USP1: variants seen among roughly 807,000 people sequenced by gnomAD.
USP1 encodes the protein ubiquitin specific peptidase 1.
Under a neutral mutation model 72.2 loss-of-function variants are expected in USP1, and 18 were observed. That is an observed-to-expected ratio of 0.25 (90% CI 0.17 to 0.37). The LOEUF (loss-of-function observed/expected upper bound fraction) is 0.37, where lower values mean the gene tolerates loss of function less well. Among genes scored for constraint, USP1 ranks in the 10% least tolerant of loss-of-function variants. The pLI, the probability that USP1 is intolerant of heterozygous loss-of-function variation, is 1.00. For missense variants in USP1, 759 were observed against 884.9 expected (o/e 0.86, Z 1.81); for synonymous variants, 354 against 303.7 (o/e 1.17, Z -1.72).
intron 8 of USP1, among the ~76,000 whole-genome samples, chr1:62,449,420 G>A (rs2149208113): frequency 6.6e-6 from 1 of 152,210 alleles, no homozygotes; most frequent in Non-Finnish European, 1.5e-5. Flanking sequence ...CATGTGTAAT[G>A]TCATTGTATG....
chr1:62,442,691 C>T (rs1645142159), intron 4 of USP1, among the ~76,000 whole-genome samples: 1 of 152,082 alleles, frequency 6.6e-6, no homozygotes, highest in African/African-American at 2.4e-5. Context: ...AATAGTAATT[C>T]ATAATTCCTC....
intron 7 of USP1, among the ~76,000 whole-genome samples, 192 bp from the exon 8 acceptor site, chr1:62,448,273 A>G (rs1019118038): frequency 1.3e-4 from 20 of 152,326 alleles, no homozygotes; most frequent in Non-Finnish European, 1.9e-4. Context: ...TGGCCGATCA[A>G]ATATATTTAA....
At chr1:62,439,419 G>A (rs1645116599) in intron 1 of USP1, among the ~76,000 whole-genome samples, 1 of 152,256 alleles carries the variant, frequency 6.6e-6, no homozygotes, top group Non-Finnish European at 1.5e-5. Flanking sequence ...TCCTGACCTC[G>A]TGATCCACTC....
chr1:62,440,728 C>G (rs1309221659), intron 2 of USP1, among the ~76,000 whole-genome samples: 1 of 152,080 alleles, frequency 6.6e-6, no homozygotes, highest in African/African-American at 2.4e-5. Flanking sequence ...TATCAGCATT[C>G]ATACTTCTGA....
intron 2 of USP1, 26 bp downstream of exon 2, chr1:62,440,063 T>A: frequency 7.1e-7 from 1 of 1,401,512 alleles, no homozygotes; most frequent in Non-Finnish European, 9.3e-7. Context: ...TTCTGTACTT[T>A]AAAAATTCTA....
rs1007535341 is a variant in USP1 at position 62,450,142 on chromosome 1, A to C, written c.1623-104A>C. ...TGCTTTTCTGATATATGAACACTGG[A>C]TATTAAGGGTTCATTCAGATTTTTA... On this transcript the variant is annotated intron_variant, in intron 8 of 8. Coordinates refer to ENST00000339950, the MANE Select transcript of USP1 (RefSeq NM_003368.5). 5.0e-6 allele frequency: 7 copies of C among 1,392,542 alleles called. No individual in the cohort carries two copies. The African/African-American group carries it at 1.0e-4, about 20-fold the overall frequency. 86.3% of individuals were successfully genotyped at this position (1,392,542 alleles called of 1,614,324 possible). A position where few individuals can be genotyped will look rare whatever the true frequency, so the allele number is the denominator to read the frequency against.
chr1:62,451,014 C>G lies in USP1; in HGVS notation c.*33C>G, dbSNP rs534369538. On this transcript the variant is annotated 3_prime_UTR_variant, in exon 9 of 9. Coordinates refer to ENST00000339950, the MANE Select transcript of USP1 (RefSeq NM_003368.5). ...GTATTTTCCTTGTGTATATATTAAACACACCCATACAAACATTGGTAAAGT... is the reference window on the plus strand; with the variant it reads ...GTATTTTCCTTGTGTATATATTAAAGACACCCATACAAACATTGGTAAAGT... The G allele has an allele frequency of 6.6e-7, 1 of 1,514,020 alleles. No individual in the cohort carries two copies. The highest frequency in any genetic ancestry group is 2.3e-5 in the East Asian group (1 of 44,224). The allele number at this position is 1,514,020 out of a possible 1,614,324, so 93.8% of individuals were successfully genotyped here. A position where few individuals can be genotyped will look rare whatever the true frequency, so the allele number is the denominator to read the frequency against.
chr1:62,446,516 C>T (rs188974403), intron 6 of USP1, among the ~76,000 whole-genome samples: 9 of 152,222 alleles, frequency 5.9e-5, no homozygotes, highest in Admixed American at 2.0e-4. Context: ...GTATCTAAGA[C>T]GTATCTAAGC....
Position 62,437,247 on chromosome 1 carries a change from G to A in USP1, c.-223G>A. ...GGGGTTCCCGCTCTTGGGAGCGGATGGTCACTCCCCCGCGGGGAGGGCGAG... is the reference window on the plus strand; with the variant it reads ...GGGGTTCCCGCTCTTGGGAGCGGATAGTCACTCCCCCGCGGGGAGGGCGAG... On this transcript the variant is annotated 5_prime_UTR_variant, in exon 1 of 9. It removes an upstream start codon present in the reference 5' UTR. Transcript: ENST00000339950. The A allele has an allele frequency of 2.5e-6, 1 of 398,336 alleles. No individual in the cohort carries two copies. Among genetic ancestry groups the A allele is most frequent in the Non-Finnish European group, 4.4e-6 (1 of 225,984 alleles). The allele number at this position is 398,336 out of a possible 1,614,324, so 24.7% of individuals were successfully genotyped here.
intron 7 of USP1, 56 bp downstream of exon 7, chr1:62,447,567 C>T: frequency 3.2e-6 from 5 of 1,548,012 alleles, no homozygotes; most frequent in South Asian, 1.2e-5. Context: ...AATTCTTTAA[C>T]AACACAAAGT....
At chr1:62,443,607 T>C (rs538567866) in intron 5 of USP1, among the ~76,000 whole-genome samples, 4 of 152,362 alleles carry the variant, frequency 2.6e-5, no homozygotes, top group African/African-American at 4.8e-5. Flanking sequence ...TGTTTAGTTA[T>C]AGAGTACTCC....
chr1:62,439,709 A>G, intron 1 of USP1, 90 bp from the exon 2 acceptor site: 1 of 546,194 alleles, frequency 1.8e-6, no homozygotes, highest in Non-Finnish European at 2.9e-6. Flanking sequence ...AATTTGTACC[A>G]TTCCCTTGGT....
Position 62,440,040 on chromosome 1 carries a change from A to G in USP1, c.170+3A>G, listed in dbSNP as rs951161647. ...TCTGAATATAGAGCATCTGAAATGT[A>G]TGTATCTTACATTTCTGTACTTTAA... On this transcript the variant is annotated splice_donor_region_variant and intron_variant, in intron 2 of 8. Coordinates refer to ENST00000339950, the MANE Select transcript of USP1 (RefSeq NM_003368.5). The G allele has an allele frequency of 1.3e-6, 2 of 1,489,220 alleles. No individual in the cohort carries two copies. The highest frequency in any genetic ancestry group is 2.9e-5 in the African/African-American group (2 of 69,342). 92.3% of individuals were successfully genotyped at this position (1,489,220 alleles called of 1,614,324 possible). A position where few individuals can be genotyped will look rare whatever the true frequency, so the allele number is the denominator to read the frequency against.
intron 3 of USP1, 31 bp from the exon 4 acceptor site, chr1:62,442,164 T>A (rs1432238287): frequency 9.2e-6 from 13 of 1,420,242 alleles, no homozygotes; most frequent in Non-Finnish European, 1.3e-5. Context: ...GTTTGTTCAG[T>A]AAACACTTAA....
Position 62,437,261 on chromosome 1 carries a change from G to A in USP1, c.-209G>A. On this transcript the variant is annotated 5_prime_UTR_variant, in exon 1 of 9. Coordinates refer to ENST00000339950, the MANE Select transcript of USP1 (RefSeq NM_003368.5). Reference sequence around the variant, plus strand: ...TGGGAGCGGATGGTCACTCCCCCGCGGGGAGGGCGAGCCGACCAGATTTTC... The same window carrying A: ...TGGGAGCGGATGGTCACTCCCCCGCAGGGAGGGCGAGCCGACCAGATTTTC... 1 of 398,160 alleles carries A rather than the reference G, an allele frequency of 2.5e-6. No homozygotes were observed. Among genetic ancestry groups the A allele is most frequent in the African/African-American group, 2.1e-5 (1 of 48,756 alleles). 24.7% of individuals were successfully genotyped at this position (398,160 alleles called of 1,614,324 possible). A position where few individuals can be genotyped will look rare whatever the true frequency, so the allele number is the denominator to read the frequency against.
At position 62,444,736 on chromosome 1, in the gene USP1, A is replaced by G; in HGVS notation, c.558-2A>G. ...AGATGAAATGGAAATTTTTATTTATAGGGAACTCAACCCTATGTATGAAGG... is the reference window on the plus strand; with the variant it reads ...AGATGAAATGGAAATTTTTATTTATGGGGAACTCAACCCTATGTATGAAGG... On this transcript the variant is annotated splice_acceptor_variant, in intron 5 of 8. Transcript: ENST00000339950. LOFTEE classifies it high-confidence loss of function. 1 of 1,527,886 alleles carries G rather than the reference A, an allele frequency of 6.5e-7. No individual in the cohort carries two copies. Among genetic ancestry groups the G allele is most frequent in the Non-Finnish European group, 8.7e-7 (1 of 1,146,372 alleles). 94.6% of individuals were successfully genotyped at this position (1,527,886 alleles called of 1,614,324 possible). A position where few individuals can be genotyped will look rare whatever the true frequency, so the allele number is the denominator to read the frequency against.
At chr1:62,442,953 G>C (rs952000360) in intron 4 of USP1, among the ~76,000 whole-genome samples, 11 of 152,014 alleles carry the variant, frequency 7.2e-5, no homozygotes, top group African/African-American at 2.4e-4. Flanking sequence ...AGTGAGCCGC[G>C]ATCAAGCCAC....
At chr1:62,441,457 T>C (rs1645133635) in intron 2 of USP1, 31 bp from the exon 3 acceptor site, 1 of 1,561,618 alleles carries the variant, frequency 6.4e-7, no homozygotes, top group African/African-American at 1.4e-5. Flanking sequence ...TTAAGATAAC[T>C]ACTTATCGTT....
chr1:62,436,841 CTG>C (rs1192318668), upstream of USP1: 20 of 335,430 alleles, frequency 6.0e-5, no homozygotes, highest in Admixed American at 9.7e-4. Flanking sequence ...TTGTTTGAAA[CTG>C]TGGAACCCGT....
Sources: allele counts gnomAD v4.1 joint callset (sites outside exome capture counted in the v4.1 genomes callset), GRCh38; gene constraint gnomAD v4.1.1; transcripts MANE v1.5; gene names NCBI Gene and HGNC (gene_info 2026-07-23, HGNC 2026-07-21).